The following UNC79 variants were observed in gnomAD, a reference collection of about 807,000 sequenced individuals.
UNC79 encodes the protein protein unc-79 homolog.
Under a neutral mutation model 283.1 loss-of-function variants are expected in UNC79, and 37 were observed. The observed-to-expected ratio is 0.13, with a 90% CI of 0.10 to 0.17. UNC79 has a LOEUF of 0.17. Among genes scored for constraint, UNC79 ranks in the 10% least tolerant of loss-of-function variants. The probability of loss-of-function intolerance (pLI) is 1.00; values close to 1 mark genes in which losing one functional copy is unlikely to be tolerated. For missense variants in UNC79, 2,272 were observed against 3,211.1 expected, an observed-to-expected ratio of 0.71 and a Z score of 7.07; for synonymous variants, 1,107 against 1,200.2, an observed-to-expected ratio of 0.92 and a Z score of 1.61.
intron 7 of UNC79, among the ~76,000 whole-genome samples, chr14:93,499,520 A>T (rs2059180700): frequency 6.6e-6 from 1 of 152,206 alleles, no homozygotes; most frequent in Non-Finnish European, 1.5e-5. Context: ...AACTTACTAC[A>T]ATCTAGACAT....
chr14:93,335,765 C>T (rs1171253196), intron 1 of UNC79, among the ~76,000 whole-genome samples: 1 of 152,216 alleles, frequency 6.6e-6, no homozygotes, highest in Admixed American at 6.5e-5. Flanking sequence ...GAAAGGAAAA[C>T]CATGACATCA....
intron 14 of UNC79, among the ~76,000 whole-genome samples, chr14:93,556,216 C>T (rs775658746): frequency 2.0e-5 from 3 of 152,156 alleles, no homozygotes; most frequent in Non-Finnish European, 4.4e-5. Context: ...GCTCTGTAAT[C>T]AGCCCATCCC....
At chr14:93,348,328 A>C (rs1566883954) in intron 1 of UNC79, 1 of 491,152 alleles carries the variant, frequency 2.0e-6, no homozygotes, top group Non-Finnish European at 3.6e-6. Context: ...GTGTTAAATA[A>C]AACGGAAACA....
chr14:93,560,275 G>A (rs2062462727), intron 14 of UNC79, among the ~76,000 whole-genome samples: 1 of 152,158 alleles, frequency 6.6e-6, no homozygotes, highest in African/African-American at 2.4e-5. Context: ...CTATCCTTGA[G>A]TTTTTTTATG....
At chr14:93,646,060 A>G (rs924305253) in intron 34 of UNC79, among the ~76,000 whole-genome samples, 1 of 152,212 alleles carries the variant, frequency 6.6e-6, no homozygotes, top group Non-Finnish European at 1.5e-5. Flanking sequence ...CCACACATAC[A>G]GAACCGTATA....
chr14:93,533,700 G>A (rs189546844), intron 11 of UNC79, among the ~76,000 whole-genome samples: 3 of 152,308 alleles, frequency 2.0e-5, no homozygotes, highest in African/African-American at 7.2e-5. Flanking sequence ...CATTTCTGTA[G>A]CATTCAACAG....
At chr14:93,607,705 T>C (rs2065983962) in intron 26 of UNC79, among the ~76,000 whole-genome samples, 2 of 152,196 alleles carry the variant, frequency 1.3e-5, no homozygotes. Flanking sequence ...GTACTCCAAG[T>C]TCTGCCTCAG....
intron 39 of UNC79, 86 bp downstream of exon 42, chr14:93,659,347 A>C (rs1372243143): frequency 9.2e-7 from 1 of 1,081,914 alleles, no homozygotes; most frequent in East Asian, 2.5e-5. Flanking sequence ...TACTGAAGAC[A>C]TAGTTATGGC....
chr14:93,582,448 G>A (rs185213171), intron 20 of UNC79, 104 bp downstream of exon 20: 3 of 1,496,804 alleles, frequency 2.0e-6, no homozygotes, highest in East Asian at 4.8e-5. Flanking sequence ...TTCAGACGTG[G>A]TTTCCTTAGT....
intron 14 of UNC79, among the ~76,000 whole-genome samples, chr14:93,551,127 G>A (rs1400345839): frequency 6.6e-6 from 1 of 152,114 alleles, no homozygotes; most frequent in Non-Finnish European, 1.5e-5. Flanking sequence ...TCGGCTCACT[G>A]CAAGCTCCGC....
intron 11 of UNC79, among the ~76,000 whole-genome samples, chr14:93,534,766 A>C (rs1212270301): frequency 6.6e-6 from 1 of 152,230 alleles, no homozygotes; most frequent in Non-Finnish European, 1.5e-5. Context: ...CTCTGGGGAC[A>C]TACGTAACAT....
intron 34 of UNC79, 87 bp downstream of exon 37, chr14:93,643,784 A>C: frequency 6.5e-7 from 1 of 1,537,226 alleles, no homozygotes; most frequent in Non-Finnish European, 8.7e-7. Context: ...CAAAAGTGAA[A>C]CATTCAGCCA....
At chr14:93,665,704 A>G (rs1038367896) in intron 40 of UNC79, among the ~76,000 whole-genome samples, 1 of 152,020 alleles carries the variant, frequency 6.6e-6, no homozygotes, top group African/African-American at 2.4e-5. Flanking sequence ...AATAGAAGCC[A>G]GAAGATAATT....
rs528039559 is a variant in UNC79, at chr14:93,566,540, G to A, written c.1756-5354G>A. On this transcript the variant is annotated intron_variant, in intron 14 of 48. Coordinates refer to ENST00000555664, the Ensembl canonical transcript of UNC79. ...CAGGCCACCTGGTGGTCTGGCCCGC[G>A]GCAACAATGCTGTAAATCAATAGTT... Among the ~76,000 whole-genome samples, 6 of 152,102 alleles carry A rather than the reference G, an allele frequency of 3.9e-5. No homozygotes were observed. The South Asian group carries it at 6.2e-4, about 16-fold the overall frequency.
chr14:93,598,268 A>G (rs7152955), intron 24 of UNC79, among the ~76,000 whole-genome samples: 11,111 of 151,866 alleles, frequency 0.073, 885 homozygotes, highest in African/African-American at 0.2. Context: ...TGGGATTATA[A>G]GCATGAGCTG....
intron 14 of UNC79, among the ~76,000 whole-genome samples, chr14:93,547,848 T>C (rs749019637): frequency 5.7e-4 from 86 of 151,850 alleles, no homozygotes; most frequent in Non-Finnish European, 9.3e-4. Flanking sequence ...AAAAAAATTA[T>C]CCTGGCATGT....
At chr14:93,405,558 T>G (rs2055209443) in intron 1 of UNC79, among the ~76,000 whole-genome samples, 1 of 152,144 alleles carries the variant, frequency 6.6e-6, no homozygotes, top group Non-Finnish European at 1.5e-5. Context: ...CTGAGAACAT[T>G]ACAAACATTG....
chr14:93,476,081 C>CG lies in UNC79; in HGVS notation c.449-1473dup, dbSNP rs543022571. On this transcript the variant is annotated intron_variant, in intron 3 of 48. Coordinates refer to ENST00000555664, the Ensembl canonical transcript of UNC79. ...TGTAACATGGAATTCTGGTCCCACC[C>CG]GGGGACTAGTTACTAAGAATCACTG... 3.6e-3 allele frequency among the ~76,000 whole-genome samples: 549 copies of CG among 152,214 alleles called. 5 individuals carry two copies. Among genetic ancestry groups the CG allele is most frequent in the African/African-American group, 0.013 (528 of 41,522 alleles).
chr14:93,427,789 A>G (rs1241663583), upstream of UNC79, among the ~76,000 whole-genome samples: 1 of 152,096 alleles, frequency 6.6e-6, no homozygotes, highest in African/African-American at 2.4e-5. Flanking sequence ...CATAACCACA[A>G]ATTTAGAATA....
Sources: gnomAD v4.1 joint callset for allele counts (sites outside exome capture counted in the v4.1 genomes callset) on GRCh38, gnomAD v4.1.1 for gene constraint, MANE v1.5 for transcripts, NCBI Gene and HGNC (gene_info 2026-07-23, HGNC 2026-07-21) for gene names.